The following SLC25A44 variants were observed in gnomAD, a reference collection of about 807,000 sequenced individuals.
The protein encoded by SLC25A44 is solute carrier family 25, member 44.
A neutral mutation model predicts 29.9 loss-of-function variants in SLC25A44; 17 were observed. The observed-to-expected ratio is 0.57, with a 90% confidence interval of 0.39 to 0.85. The LOEUF is 0.85. Among genes scored for constraint, SLC25A44 ranks in the 40% least tolerant of loss-of-function variants. SLC25A44 has a pLI of 0.00. For missense variants in SLC25A44, 302 were observed against 398.4 expected (o/e 0.76, Z 2.06); for synonymous variants, 140 against 151.8 (o/e 0.92, Z 0.57).
chr1:156,206,238 A>ATT (rs1194991541), intron 2 of SLC25A44, among the ~76,000 whole-genome samples: 16 of 135,870 alleles, frequency 1.2e-4, no homozygotes, highest in Middle Eastern at 3.7e-3. Flanking sequence ...TTCATTTTTA[A>ATT]TTTTTTTTTT....
chr1:156,195,045 T>G (rs1437540907), intron 1 of SLC25A44, among the ~76,000 whole-genome samples: 2 of 152,192 alleles, frequency 1.3e-5, no homozygotes, highest in African/African-American at 4.8e-5. Context: ...ATGATAATGC[T>G]TTGCTGTTAA....
chr1:156,200,153 T>G lies in SLC25A44; in HGVS notation c.306T>G (p.Ala102=). The G allele has an allele frequency of 1.2e-6, 2 of 1,614,208 alleles. No individual in the cohort carries two copies. The change falls in exon 2 of 4, where the codon GCT becomes GCG. Residue 102 remains alanine (A), a synonymous_variant. Coordinates refer to ENST00000359511, the MANE Select transcript of SLC25A44 (RefSeq NM_014655.4). Reference sequence around the variant, plus strand: ...ATGAGCTCACCCGGAAGTTTGTAGCTGACTACAGCCAGAGTAACACAGTCA... The same window carrying G: ...ATGAGCTCACCCGGAAGTTTGTAGCGGACTACAGCCAGAGTAACACAGTCA... The part of the protein sequence containing the change: ...TTYELTRKFV[A]DYSQSNTVKS...
intron 1 of SLC25A44, chr1:156,199,131 T>C (rs1217260316): frequency 1.3e-5 from 2 of 152,242 alleles, no homozygotes; most frequent in African/African-American, 4.8e-5. Context: ...CTCTATACTT[T>C]CTTCCAATGC....
At chr1:156,207,793 G>T (rs191533912) in intron 2 of SLC25A44, 93 bp from the exon 3 acceptor site, 1 of 1,468,400 alleles carries the variant, frequency 6.8e-7, no homozygotes, top group African/African-American at 1.4e-5. Flanking sequence ...GTTTGTCTGG[G>T]TTGGGAAAGC....
At chr1:156,203,753 G>C (rs1312094840) in intron 2 of SLC25A44, among the ~76,000 whole-genome samples, 2 of 139,822 alleles carry the variant, frequency 1.4e-5, no homozygotes, top group Non-Finnish European at 3.0e-5. Flanking sequence ...GCCTAGGCTG[G>C]AGTGCAGTGG....
intron 3 of SLC25A44, among the ~76,000 whole-genome samples, chr1:156,209,160 T>C (rs1657138547): frequency 6.6e-6 from 1 of 152,102 alleles, no homozygotes; most frequent in Admixed American, 6.5e-5. Context: ...TGGCATCTGG[T>C]TGGTTTGCAA....
chr1:156,200,236 T>G lies in SLC25A44; in HGVS notation c.389T>G (p.Ile130Ser), dbSNP rs1656474240. The G allele has an allele frequency of 1.2e-6, 2 of 1,614,138 alleles. No individual in the cohort carries two copies. The highest frequency in any genetic ancestry group is 1.7e-6 in the Non-Finnish European group (2 of 1,180,032). ...SLVAQSITVP[I>S]DVVSQHLMMQ... is the part of the protein sequence containing the mutation. ...GTGGCCCAGAGCATCACAGTGCCCA[T>G]TGATGTAGTCTCCCAGCACCTGATG... is the stretch of plus-strand genomic sequence containing the variant. Residue 130 changes from isoleucine (I) to serine (S), a missense_variant, in exon 2 of 4, where the codon ATT becomes AGT. Coordinates refer to ENST00000359511, the MANE Select transcript of SLC25A44 (RefSeq NM_014655.4).
At chr1:156,204,290 A>G (rs1480855476) in intron 2 of SLC25A44, among the ~76,000 whole-genome samples, 1 of 151,674 alleles carries the variant, frequency 6.6e-6, no homozygotes, top group East Asian at 2.0e-4. Context: ...TACAGGCATG[A>G]GCCACCGTGC....
chr1:156,202,006 C>T (rs1656613240), intron 2 of SLC25A44, among the ~76,000 whole-genome samples: 1 of 152,210 alleles, frequency 6.6e-6, no homozygotes, highest in Non-Finnish European at 1.5e-5. Context: ...ATGTCTAAAA[C>T]TTTCTTCAAT....
In SLC25A44 at chr1:156,200,114, T is replaced by C. The variant is rs780569060; in HGVS notation, c.267T>C (p.Cys89=). Residue 89 remains cysteine (C), a synonymous_variant, in exon 2 of 4, where the codon TGT becomes TGC. Transcript: ENST00000359511. ...VNTFTLISGQ[C]YVTTYELTRK... is the part of the protein sequence containing the mutation. ...CCTTCACCCTCATCTCTGGCCAGTG[T>C]TATGTCACCACTTATGAGCTCACCC... The C allele has an allele frequency of 1.9e-5, 31 of 1,614,090 alleles. No homozygotes were observed. The South Asian group carries it at 3.4e-4, about 18-fold the overall frequency.
chr1:156,207,517 G>C (rs575680942), intron 2 of SLC25A44, among the ~76,000 whole-genome samples: 1 of 152,156 alleles, frequency 6.6e-6, no homozygotes, highest in South Asian at 2.1e-4. Flanking sequence ...GGGAATGGTA[G>C]CACAAGCCTA....
intron 1 of SLC25A44, among the ~76,000 whole-genome samples, chr1:156,195,156 G>A (rs1656127273): frequency 6.6e-6 from 1 of 151,030 alleles, no homozygotes; most frequent in African/African-American, 2.4e-5. Context: ...CAGGCTGGAG[G>A]GCAGTGGCGC....
In SLC25A44 at chr1:156,207,840, C is replaced by G. The variant is rs747006844; in HGVS notation, c.626-46C>G. 4 of 1,609,600 alleles carry G rather than the reference C, an allele frequency of 2.5e-6. No individual in the cohort carries two copies. The Admixed American group carries it at 5.0e-5, about 20-fold the overall frequency. On this transcript the variant is annotated intron_variant, in intron 2 of 3. Coordinates refer to ENST00000359511, the MANE Select transcript of SLC25A44 (RefSeq NM_014655.4). ...AGCAGCAAGCACAGTGAGGGCAGACCGGTGGTGCTTTGTGTCTTTAGCCAT... is the reference window on the plus strand; with the variant it reads ...AGCAGCAAGCACAGTGAGGGCAGACGGGTGGTGCTTTGTGTCTTTAGCCAT...
Position 156,200,256 on chromosome 1 carries a change from C to G in SLC25A44, c.409C>G (p.Leu137Val), listed in dbSNP as rs1176992107. ...TVPIDVVSQH[L>V]MMQRKGEKMG... ...GCCCATTGATGTAGTCTCCCAGCACCTGATGATGCAACGCAAGGGTGAGAA... is the reference window on the plus strand; with the variant it reads ...GCCCATTGATGTAGTCTCCCAGCACGTGATGATGCAACGCAAGGGTGAGAA... Residue 137 changes from leucine (L) to valine (V), a missense_variant, in exon 2 of 4, where the codon CTG becomes GTG. Coordinates refer to ENST00000359511, the MANE Select transcript of SLC25A44 (RefSeq NM_014655.4). 2 of 1,614,076 alleles carry G rather than the reference C, an allele frequency of 1.2e-6. No homozygotes were observed. The highest frequency in any genetic ancestry group is 1.3e-5 in the African/African-American group (1 of 74,926).
Position 156,200,376 on chromosome 1 carries a change from G to T in SLC25A44, c.529G>T (p.Asp177Tyr). 2 of 1,614,096 alleles carry T rather than the reference G, an allele frequency of 1.2e-6. No individual in the cohort carries two copies. Among genetic ancestry groups the T allele is most frequent in the Non-Finnish European group, 1.7e-6 (2 of 1,180,036 alleles). ...KDIIRQILQADGLRGFYRGYV... is the reference protein window; with the variant it reads ...KDIIRQILQAYGLRGFYRGYV... ...CATCATCAGGCAGATCCTGCAGGCT[G>T]ATGGACTTCGCGGCTTCTATCGAGG... Residue 177 changes from aspartate (D) to tyrosine (Y), a missense_variant, in exon 2 of 4, where the codon GAT becomes TAT. Transcript: ENST00000359511.
intron 2 of SLC25A44, among the ~76,000 whole-genome samples, chr1:156,207,241 G>A (rs1657005792): frequency 6.6e-6 from 1 of 150,874 alleles, no homozygotes; most frequent in South Asian, 2.1e-4. Flanking sequence ...GCAGTGGCGC[G>A]ATCTTGGCTC....
intron 1 of SLC25A44, chr1:156,197,005 A>G (rs758621024): frequency 3.9e-5 from 6 of 152,212 alleles, no homozygotes; most frequent in Non-Finnish European, 7.3e-5. Flanking sequence ...TGGGCCTGTT[A>G]CTTTTAACCT....
At chr1:156,197,303 A>G (rs1656270996) in intron 1 of SLC25A44, 2 of 152,222 alleles carry the variant, frequency 1.3e-5, no homozygotes, top group South Asian at 4.1e-4. Context: ...CAAGTGGCAT[A>G]TCATTGTTCT....
rs371010094 is a variant in SLC25A44, at chr1:156,198,267, A to G, written c.-13-1568A>G. On this transcript the variant is annotated intron_variant, in intron 1 of 3. Coordinates refer to ENST00000359511, the MANE Select transcript of SLC25A44 (RefSeq NM_014655.4). This position sits in a 1 kb window ranked among gnomAD's most constrained non-coding sequence, Gnocchi z 4.1. The stretch of plus-strand genomic sequence containing the variant: ...GCGGTGGGATACACTGGAGCACATC[A>G]TATTACCACTAAGTATGTCTAATAA... 10 of 152,204 alleles carry G rather than the reference A, an allele frequency of 6.6e-5. No individual in the cohort carries two copies. The highest frequency in any genetic ancestry group is 2.4e-4 in the African/African-American group (10 of 41,536). 9.4% of individuals were successfully genotyped at this position (152,204 alleles called of 1,614,324 possible).
Sources: allele counts gnomAD v4.1 joint callset (sites outside exome capture counted in the v4.1 genomes callset), GRCh38; gene constraint gnomAD v4.1.1; non-coding constraint Gnocchi (gnomAD v3.1); transcripts MANE v1.5; gene names NCBI Gene and HGNC (gene_info 2026-07-23, HGNC 2026-07-21).